The following PALLD variants were observed in gnomAD, a reference collection of about 807,000 sequenced individuals.
The protein encoded by PALLD is palladin.
Under a neutral mutation model 123.5 loss-of-function variants are expected in PALLD, and 61 were observed. The ratio of observed to expected loss-of-function variants is 0.49; its 90% CI spans 0.40 to 0.61. The LOEUF (loss-of-function observed/expected upper bound fraction) is 0.61, where lower values mean the gene tolerates loss of function less well. Among genes scored for constraint, PALLD ranks in the 20% least tolerant of loss-of-function variants. The probability of loss-of-function intolerance (pLI) is 0.00; values close to 1 mark genes in which losing one functional copy is unlikely to be tolerated. For synonymous variants in PALLD, 465 were observed against 496.4 expected, an observed-to-expected ratio of 0.94 and a Z score of 0.84; for missense variants, 1,273 against 1,377.0, an observed-to-expected ratio of 0.92 and a Z score of 1.20.
At chr4:168,575,357 T>A (rs1008719737) in intron 2 of PALLD, among the ~76,000 whole-genome samples, 1 of 151,910 alleles carries the variant, frequency 6.6e-6, no homozygotes, top group Non-Finnish European at 1.5e-5. Context: ...ACATCTTACA[T>A]GGCAGCAGGT....
intron 2 of PALLD, among the ~76,000 whole-genome samples, chr4:168,532,264 T>C (rs1764672392): frequency 6.6e-6 from 1 of 152,224 alleles, no homozygotes; most frequent in Admixed American, 6.5e-5. Context: ...TATGATCTCG[T>C]TCTCCAAAAG....
At chr4:168,512,494 G>T (rs2149429993) in intron 2 of PALLD, 82 bp downstream of exon 2, 2 of 1,281,110 alleles carry the variant, frequency 1.6e-6, no homozygotes, top group Admixed American at 3.9e-5. Flanking sequence ...AAGATTTCCT[G>T]TGTCATTAGC....
chr4:168,851,177 G>C (rs1049111023), intron 10 of PALLD, among the ~76,000 whole-genome samples: 1 of 152,110 alleles, frequency 6.6e-6, no homozygotes, highest in African/African-American at 2.4e-5. Context: ...TGCAGAGCCT[G>C]TGGACCCACA....
intron 2 of PALLD, among the ~76,000 whole-genome samples, chr4:168,577,017 A>T (rs1436878372): frequency 6.6e-6 from 1 of 152,162 alleles, no homozygotes. Context: ...GAAAAACTTC[A>T]ACCGAATTAA....
chr4:168,836,077 T>C (rs1745140135), intron 10 of PALLD, among the ~76,000 whole-genome samples: 2 of 152,228 alleles, frequency 1.3e-5, no homozygotes, highest in South Asian at 4.1e-4. Flanking sequence ...TTATGTGCTT[T>C]AGGGTTGACC....
intron 2 of PALLD, among the ~76,000 whole-genome samples, chr4:168,664,263 A>C (rs1779407095): frequency 7.1e-6 from 1 of 141,486 alleles, no homozygotes; most frequent in African/African-American, 2.9e-5. Context: ...AAGACTGATT[A>C]TAAACTGAGT....
At position 168,753,101 on chromosome 4, in the gene PALLD, T is replaced by G. The variant is rs1289480416; in HGVS notation, c.1964+41178T>G. Reference sequence around the variant, plus strand: ...ATATCTCAGTTGACATTATGAAAACTCTCATTGCTTATCCTTGGAGGAAAT... The same window carrying G: ...ATATCTCAGTTGACATTATGAAAACGCTCATTGCTTATCCTTGGAGGAAAT... On this transcript the variant is annotated intron_variant, in intron 10 of 21. Coordinates refer to ENST00000505667, the MANE Select transcript of PALLD (RefSeq NM_001166108.2). Among the ~76,000 whole-genome samples, 3 of 152,098 alleles carry G rather than the reference T, an allele frequency of 2.0e-5. No homozygotes were observed. The East Asian group carries it at 5.8e-4, about 29-fold the overall frequency.
intron 15 of PALLD, among the ~76,000 whole-genome samples, chr4:168,905,399 C>T (rs555539926): frequency 8.3e-4 from 126 of 151,854 alleles, no homozygotes; most frequent in African/African-American, 2.8e-3. Context: ...CCGCCCGCCT[C>T]GGCCTCCCAA....
At chr4:168,812,556 A>G (rs1238171209) in intron 10 of PALLD, among the ~76,000 whole-genome samples, 1 of 152,214 alleles carries the variant, frequency 6.6e-6, no homozygotes, top group Non-Finnish European at 1.5e-5. Flanking sequence ...ATGTCAGGCG[A>G]GAATGCGTTT....
chr4:168,534,916 C>G (rs1325355826), intron 2 of PALLD, among the ~76,000 whole-genome samples: 1 of 152,146 alleles, frequency 6.6e-6, no homozygotes, highest in African/African-American at 2.4e-5. Context: ...ATACAACCTC[C>G]ATATCTGCAT....
Position 168,711,770 on chromosome 4 carries a change from A to G in PALLD, c.1811A>G (p.Asn604Ser), listed in dbSNP as rs948639021. The change falls in exon 10 of 22, where the codon AAT becomes AGT. Residue 604 changes from asparagine to serine, a missense_variant. Physicochemically the swap from Asn to Ser is conservative, Grantham distance 46 (BLOSUM62 1). Coordinates refer to ENST00000505667, the MANE Select transcript of PALLD (RefSeq NM_001166108.2). ...LSRAALQMQF[N>S]AAERETNGVH... ...AGGGCAGCCCTTCAAATGCAATTCA[A>G]TGCTGCTGAGAGGGAAACGAACGGA... 8 of 1,614,044 alleles carry G rather than the reference A, an allele frequency of 5.0e-6. No homozygotes were observed. Among genetic ancestry groups the G allele is most frequent in the South Asian group, 3.3e-5 (3 of 91,090 alleles).
intron 10 of PALLD, among the ~76,000 whole-genome samples, chr4:168,759,205 AT>A (rs36228018): frequency 4.0e-4 from 18 of 45,238 alleles, no homozygotes; most frequent in African/African-American, 1.6e-3. Flanking sequence ...AAAAAAAAAT[AT>A]ATATATATAT....
intron 2 of PALLD, chr4:168,598,321 G>A: frequency 4.2e-6 from 2 of 472,818 alleles, no homozygotes; most frequent in South Asian, 3.7e-5. Context: ...TGTCTTCTGG[G>A]TTTGGTGCTT....
intron 10 of PALLD, chr4:168,877,612 C>A: frequency 2.5e-6 from 1 of 395,126 alleles, no homozygotes; most frequent in Non-Finnish European, 3.6e-6. Flanking sequence ...CCTGGGTGTT[C>A]TCTGCAGCTG....
intron 10 of PALLD, among the ~76,000 whole-genome samples, chr4:168,755,612 C>T (rs1170070490): frequency 6.6e-6 from 1 of 152,120 alleles, no homozygotes; most frequent in African/African-American, 2.4e-5. Flanking sequence ...AAGAAAATTC[C>T]AAGCAAGGAA....
At chr4:168,760,202 A>G (rs1732631061) in intron 10 of PALLD, among the ~76,000 whole-genome samples, 1 of 151,792 alleles carries the variant, frequency 6.6e-6, no homozygotes, top group African/African-American at 2.4e-5. Flanking sequence ...CAGTCTCTGT[A>G]CAGACTCTGC....
chr4:168,888,007 T>A (rs777801473), intron 10 of PALLD, among the ~76,000 whole-genome samples: 11 of 152,028 alleles, frequency 7.2e-5, no homozygotes, highest in Non-Finnish European at 1.5e-4. Context: ...TGGGACAAGC[T>A]TAGTCAGGGA....
At chr4:168,518,843 T>C (rs1763256159) in intron 2 of PALLD, among the ~76,000 whole-genome samples, 1 of 152,236 alleles carries the variant, frequency 6.6e-6, no homozygotes, top group South Asian at 2.1e-4. Context: ...TTTTACTCAC[T>C]TTTGTGTCCT....
intron 2 of PALLD, among the ~76,000 whole-genome samples, chr4:168,586,878 G>A (rs1035384012): frequency 1.3e-4 from 20 of 151,974 alleles, no homozygotes; most frequent in African/African-American, 4.8e-4. Flanking sequence ...AAAAAAAATC[G>A]AACGTTCCCT....
Sources: gnomAD v4.1 joint callset for allele counts (sites outside exome capture counted in the v4.1 genomes callset) on GRCh38, gnomAD v4.1.1 for gene constraint, MANE v1.5 for transcripts, NCBI Gene and HGNC (gene_info 2026-07-23, HGNC 2026-07-21) for gene names.